WWTR1: variants seen among roughly 807,000 people sequenced by gnomAD.
WWTR1 encodes the protein WW domain containing transcription regulator 1, also known as WW domain-containing transcription regulator protein 1.
In WWTR1, 13 loss-of-function variants were observed where a neutral mutation model predicts 40.1. The observed-to-expected ratio is 0.32, with a 90% CI of 0.21 to 0.52. WWTR1 has a LOEUF of 0.52. WWTR1 is among the 20% of genes least tolerant of loss of function. The pLI is 0.97. For synonymous variants in WWTR1, 230 were observed against 210.1 expected, an observed-to-expected ratio of 1.09 and a Z score of -0.82; for missense variants, 436 against 523.1, an observed-to-expected ratio of 0.83 and a Z score of 1.63.
At chr3:149,576,620 C>A (rs2108004682) in intron 2 of WWTR1, among the ~76,000 whole-genome samples, 1 of 152,290 alleles carries the variant, frequency 6.6e-6, no homozygotes, top group African/African-American at 2.4e-5. Context: ...ATATATTTAA[C>A]CTGCCTATAT....
chr3:149,588,602 C>T (rs971241563), intron 2 of WWTR1, among the ~76,000 whole-genome samples: 1 of 152,068 alleles, frequency 6.6e-6, no homozygotes, highest in Non-Finnish European at 1.5e-5. Context: ...TGAACATAAT[C>T]CCGTTTTGGT....
At chr3:149,701,640 C>T (rs951603523) in intron 1 of WWTR1, 3 of 176,020 alleles carry the variant, frequency 1.7e-5, no homozygotes, top group Non-Finnish European at 3.7e-5. Context: ...AAATGAAACT[C>T]CTATGATCGA....
At chr3:149,532,498 T>C (rs1412208426) in intron 4 of WWTR1, among the ~76,000 whole-genome samples, 1 of 152,226 alleles carries the variant, frequency 6.6e-6, no homozygotes, top group African/African-American at 2.4e-5. Context: ...CGAATATAAA[T>C]GGAAAGTAGT....
At chr3:149,640,687 CT>C (rs1329816226) in intron 2 of WWTR1, among the ~76,000 whole-genome samples, 1 of 152,068 alleles carries the variant, frequency 6.6e-6, no homozygotes, top group African/African-American at 2.4e-5. Context: ...TCCCAAAGTG[CT>C]GGTATTACAG....
Position 149,633,111 on chromosome 3 carries a change from A to T in WWTR1, c.431+23765T>A, listed in dbSNP as rs59864149. Among the ~76,000 whole-genome samples, 337 of 152,340 alleles carry T rather than the reference A, an allele frequency of 2.2e-3. 3 individuals are homozygous for T. The highest frequency in any genetic ancestry group is 7.7e-3 in the African/African-American group (319 of 41,578). ...AAGCTGTTAAAAAATAAGTATGGCCAGGCACAGTGGCTCACGTCTGTAATC... is the reference window on the plus strand; with the variant it reads ...AAGCTGTTAAAAAATAAGTATGGCCTGGCACAGTGGCTCACGTCTGTAATC... On this transcript the variant is annotated intron_variant, in intron 2 of 6. Coordinates refer to ENST00000360632, the MANE Select transcript of WWTR1 (RefSeq NM_015472.6).
intron 2 of WWTR1, among the ~76,000 whole-genome samples, chr3:149,644,612 C>T (rs1712377889): frequency 6.6e-6 from 1 of 152,218 alleles, no homozygotes; most frequent in South Asian, 2.1e-4. Context: ...TGTCTGTACT[C>T]TACCCGGTCC....
chr3:149,561,004 T>A (rs1737058751), intron 3 of WWTR1, among the ~76,000 whole-genome samples: 1 of 151,182 alleles, frequency 6.6e-6, no homozygotes, highest in Non-Finnish European at 1.5e-5. Flanking sequence ...AGACAATTCC[T>A]TAGTTTGATA....
intron 2 of WWTR1, among the ~76,000 whole-genome samples, chr3:149,613,176 C>T (rs551797023): frequency 6.6e-6 from 1 of 152,270 alleles, no homozygotes; most frequent in East Asian, 1.9e-4. Flanking sequence ...TCCCAACACC[C>T]ACCTCTTAAA....
intron 1 of WWTR1, among the ~76,000 whole-genome samples, chr3:149,672,792 T>C (rs898289384): frequency 6.6e-6 from 1 of 151,100 alleles, no homozygotes; most frequent in African/African-American, 2.4e-5. Context: ...CTTTTTTTTT[T>C]TTTTTTTAAG....
intron 2 of WWTR1, among the ~76,000 whole-genome samples, chr3:149,595,968 G>C (rs756104567): frequency 2.0e-4 from 30 of 152,134 alleles, no homozygotes; most frequent in Non-Finnish European, 3.5e-4. Flanking sequence ...GGGAGGTGGA[G>C]GTTGCAGTGA....
At chr3:149,662,380 T>C (rs1488597457), upstream of WWTR1, among the ~76,000 whole-genome samples, 2 of 152,212 alleles carry the variant, frequency 1.3e-5, no homozygotes, top group Non-Finnish European at 2.9e-5. Context: ...CTCCTGCTGA[T>C]AGATATGTAA....
chr3:149,712,376 G>A (rs78293447), intron 5 of WWTR1, among the ~76,000 whole-genome samples: 2,994 of 152,262 alleles, frequency 0.02, 63 homozygotes, highest in South Asian at 0.092. Context: ...GAAGGGGTAA[G>A]AGAAAACACA....
At chr3:149,553,156 T>C (rs1461056767) in intron 3 of WWTR1, among the ~76,000 whole-genome samples, 1 of 152,158 alleles carries the variant, frequency 6.6e-6, no homozygotes, top group East Asian at 1.9e-4. Flanking sequence ...ATTAAATGCC[T>C]CAGCCCAGAT....
chr3:149,660,728 G>A (rs1713531227), upstream of WWTR1, among the ~76,000 whole-genome samples: 1 of 152,150 alleles, frequency 6.6e-6, no homozygotes, highest in Non-Finnish European at 1.5e-5. Context: ...TTGTAAATTA[G>A]GGACAATAAC....
At chr3:149,652,975 G>A (rs1433653292) in intron 2 of WWTR1, among the ~76,000 whole-genome samples, 1 of 152,178 alleles carries the variant, frequency 6.6e-6, no homozygotes. Context: ...GTTACCAAGT[G>A]CATGGATCAC....
At chr3:149,705,694 T>C (rs1715311914), upstream of WWTR1, among the ~76,000 whole-genome samples, 1 of 152,190 alleles carries the variant, frequency 6.6e-6, no homozygotes, top group South Asian at 2.1e-4. Context: ...ATAGCTAACC[T>C]GGACAACTAA....
chr3:149,662,011 G>A (rs571247429), upstream of WWTR1, among the ~76,000 whole-genome samples: 4 of 151,860 alleles, frequency 2.6e-5, no homozygotes, highest in East Asian at 3.9e-4. Flanking sequence ...GATTACAGGC[G>A]TGAGCCACCT....
intron 2 of WWTR1, among the ~76,000 whole-genome samples, chr3:149,651,547 G>A (rs1712865306): frequency 6.6e-6 from 1 of 152,118 alleles, no homozygotes; most frequent in African/African-American, 2.4e-5. Flanking sequence ...GGCAAATAAT[G>A]CATGAACACA....
At chr3:149,648,503 G>A (rs957874633) in intron 2 of WWTR1, among the ~76,000 whole-genome samples, 6 of 152,180 alleles carry the variant, frequency 3.9e-5, no homozygotes, top group South Asian at 2.1e-4. Flanking sequence ...GGGCCTATGG[G>A]AGGAGGAGCA....
Sources: gnomAD v4.1 joint callset for allele counts (sites outside exome capture counted in the v4.1 genomes callset) on GRCh38, gnomAD v4.1.1 for gene constraint, MANE v1.5 for transcripts, NCBI Gene and HGNC (gene_info 2026-07-23, HGNC 2026-07-21) for gene names.